Variants in SLC25A30 observed in about 807,000 individuals in gnomAD.
The protein encoded by SLC25A30 is kidney mitochondrial carrier protein 1.
SLC25A30 carries 29 observed loss-of-function variants against 42.7 expected under a neutral mutation model. The observed-to-expected ratio is 0.68, with a 90% CI of 0.51 to 0.93. SLC25A30 has a LOEUF of 0.93. Ranked by LOEUF, SLC25A30 falls within the 40% of genes least tolerant of loss-of-function variation. The pLI, the probability that SLC25A30 is intolerant of heterozygous loss-of-function variation, is 0.00. For missense variants in SLC25A30, 300 were observed against 359.7 expected (o/e 0.83, Z 1.34); for synonymous variants, 124 against 131.0 (o/e 0.95, Z 0.37).
intron 7 of SLC25A30, 36 bp downstream of exon 7, chr13:45,401,047 A>G (rs1881919345): frequency 6.5e-7 from 1 of 1,534,374 alleles, no homozygotes; most frequent in East Asian, 2.3e-5. Context: ...TTTCTTTAGA[A>G]TTTCTATAAT....
In SLC25A30 at chr13:45,395,431, A is replaced by AGT. The variant is rs576381701; in HGVS notation, c.*541_*542dup. 42 of 987,154 alleles carry AGT rather than the reference A, an allele frequency of 4.3e-5. No individual in the cohort carries two copies. Among genetic ancestry groups the AGT allele is most frequent in the Middle Eastern group, 5.2e-4 (1 of 1,938 alleles). The allele number at this position is 987,154 out of a possible 1,614,324, so 61.1% of individuals were successfully genotyped here. A position where few individuals can be genotyped will look rare whatever the true frequency, so the allele number is the denominator to read the frequency against. On this transcript the variant is annotated 3_prime_UTR_variant, in exon 10 of 10. Coordinates refer to ENST00000519676, the MANE Select transcript of SLC25A30 (RefSeq NM_001010875.4). ...CTGCCAAAATAGGAAATGATAAAGC[A>AGT]GTGTGATATTCCTAGGATCCATTTC... is the stretch of plus-strand genomic sequence containing the variant.
At chr13:45,428,522 T>C in the SLC25A30 span, among the ~76,000 whole-genome samples, 1 of 90,660 alleles carries the variant, frequency 1.1e-5, no homozygotes, top group Non-Finnish European at 2.4e-5. Context: ...TTTAACTTTT[T>C]TTTTTTTTTT....
chr13:45,431,206 C>G, the SLC25A30 span, among the ~76,000 whole-genome samples: 1 of 149,752 alleles, frequency 6.7e-6, no homozygotes, highest in Non-Finnish European at 1.5e-5. Context: ...TACCACCACA[C>G]CCGGCTAATT....
chr13:45,401,632 T>C (rs1881988556), intron 6 of SLC25A30, among the ~76,000 whole-genome samples: 1 of 148,720 alleles, frequency 6.7e-6, no homozygotes, highest in Admixed American at 6.7e-5. Flanking sequence ...AAACACCCAA[T>C]GGAACTGTAA....
At chr13:45,421,824 T>C (rs1593639811), upstream of SLC25A30, among the ~76,000 whole-genome samples, 1 of 152,314 alleles carries the variant, frequency 6.6e-6, no homozygotes, top group African/African-American at 2.4e-5. Flanking sequence ...TTAAGGCCCC[T>C]GACCACGTGG....
the SLC25A30 span, among the ~76,000 whole-genome samples, chr13:45,424,792 G>GAATATAAATATATAAAAA: frequency 2.9e-5 from 1 of 34,158 alleles, no homozygotes; most frequent in Non-Finnish European, 6.4e-5. Flanking sequence ...ATATATAAAA[G>GAATATAAATATATAAAAA]AATATAAATA....
Position 45,395,033 on chromosome 13 carries a change from G to A in SLC25A30, c.*941C>T, listed in dbSNP as rs1384136709. 5 of 985,320 alleles carry A rather than the reference G, an allele frequency of 5.1e-6. No individual in the cohort carries two copies. The East Asian group carries it at 3.4e-4, about 67-fold the overall frequency. 61.0% of individuals were successfully genotyped at this position (985,320 alleles called of 1,614,324 possible). On this transcript the variant is annotated 3_prime_UTR_variant, in exon 10 of 10. Coordinates refer to ENST00000519676, the MANE Select transcript of SLC25A30 (RefSeq NM_001010875.4). ...TTCACAATTACCATGAGAAGCCCAT[G>A]AGAACATGCCCCTCTTCTACATAGA... is the stretch of plus-strand genomic sequence containing the variant.
At chr13:45,397,708 T>G (rs1018714472) in intron 8 of SLC25A30, 1 of 181,004 alleles carries the variant, frequency 5.5e-6, no homozygotes, top group African/African-American at 2.4e-5. Flanking sequence ...AAAATAATAA[T>G]AATAATTAGT....
At position 45,411,432 on chromosome 13, in the gene SLC25A30, ACT is replaced by A. The variant is rs769271143; in HGVS notation, c.-9_-8del. The A allele has an allele frequency of 1.2e-6, 2 of 1,613,992 alleles. No homozygotes were observed. The highest frequency in any genetic ancestry group is 2.2e-5 in the South Asian group (2 of 91,082). The stretch of plus-strand genomic sequence containing the variant: ...TCCAGTTGAGGGCTGACATTCTCAC[ACT>A]GTCTCTTCTTTGATTTATAGAAACA... On this transcript the variant is annotated 5_prime_UTR_variant, in exon 2 of 10. Coordinates refer to ENST00000519676, the MANE Select transcript of SLC25A30 (RefSeq NM_001010875.4).
At position 45,393,869 on chromosome 13, in the gene SLC25A30, G is replaced by A; in HGVS notation, c.*2105C>T. The A allele has an allele frequency of 1.0e-6, 1 of 985,290 alleles. No homozygotes were observed. The highest frequency in any genetic ancestry group is 1.2e-6 in the Non-Finnish European group (1 of 829,836). The allele number at this position is 985,290 out of a possible 1,614,324, so 61.0% of individuals were successfully genotyped here. A position where few individuals can be genotyped will look rare whatever the true frequency, so the allele number is the denominator to read the frequency against. On this transcript the variant is annotated 3_prime_UTR_variant, in exon 10 of 10. Coordinates refer to ENST00000519676, the MANE Select transcript of SLC25A30 (RefSeq NM_001010875.4). ...TTTCCACCTTGGTAGGAACATGTAT[G>A]TAATTTGAATAAACTGGTAATAATA... is the stretch of plus-strand genomic sequence containing the variant.
At chr13:45,396,990 T>C (rs1237056910) in intron 9 of SLC25A30, 1 of 367,524 alleles carries the variant, frequency 2.7e-6, no homozygotes, top group Non-Finnish European at 4.9e-6. Context: ...AAATCGTAAA[T>C]ACCCTCAGCT....
At position 45,404,384 on chromosome 13, in the gene SLC25A30, A is replaced by G. The variant is rs1882299448; in HGVS notation, c.336T>C (p.Cys112=). Reference sequence around the variant, plus strand: ...AAGATATGACTCCAGACAGAATTCCACATATCACATTTATCGGTAGAGTTT... The same window carrying G: ...AAGATATGACTCCAGACAGAATTCCGCATATCACATTTATCGGTAGAGTTT... ...EDETLPINVI[C]GILSGVISST... is the part of the protein sequence containing the mutation. Residue 112 remains cysteine (C), a synonymous_variant, in exon 5 of 10, where the codon TGT becomes TGC. Transcript: ENST00000519676. The G allele has an allele frequency of 1.2e-6, 2 of 1,613,304 alleles. No individual in the cohort carries two copies. The highest frequency in any genetic ancestry group is 4.5e-5 in the East Asian group (2 of 44,866).
chr13:45,424,723 A>T, the SLC25A30 span, among the ~76,000 whole-genome samples: 1 of 65,446 alleles, frequency 1.5e-5, no homozygotes, highest in Non-Finnish European at 2.8e-5. Context: ...ATATAAATAT[A>T]TATAAATATG....
chr13:45,423,877 A>G, the SLC25A30 span, among the ~76,000 whole-genome samples: 1,279 of 74,458 alleles, frequency 0.017, 47 homozygotes, highest in African/African-American at 0.059. Context: ...TATAAAATAT[A>G]TAAAAATATA....
Position 45,402,044 on chromosome 13 carries a change from G to C in SLC25A30, c.489+231C>G, listed in dbSNP as rs558896049. 2.8e-4 allele frequency among the ~76,000 whole-genome samples: 37 copies of C among 134,440 alleles called. No individual in the cohort carries two copies. In the East Asian group the frequency reaches 7.2e-3, roughly 26 times the overall value. The allele number at this position is 134,440 out of a possible 152,430, so 88.2% of individuals were successfully genotyped here. A position where few individuals can be genotyped will look rare whatever the true frequency, so the allele number is the denominator to read the frequency against. ...CATTGCACTCCAGCCTGAGCAACAG[G>C]GCAAGACTCCATCTCAAAAAAAAAA... is the stretch of plus-strand genomic sequence containing the variant. On this transcript the variant is annotated intron_variant, in intron 6 of 9. Transcript: ENST00000519676.
intron 1 of SLC25A30, among the ~76,000 whole-genome samples, chr13:45,416,272 G>T (rs1042138622): frequency 6.6e-6 from 1 of 151,866 alleles, no homozygotes; most frequent in South Asian, 2.1e-4. Context: ...GCCAGGCATA[G>T]TGGTGGGCGC....
At position 45,395,551 on chromosome 13, in the gene SLC25A30, C is replaced by T. The variant is rs1352590686; in HGVS notation, c.*423G>A. The T allele has an allele frequency of 9.3e-7, 1 of 1,070,130 alleles. No individual in the cohort carries two copies. The highest frequency in any genetic ancestry group is 1.1e-6 in the Non-Finnish European group (1 of 879,748). The allele number at this position is 1,070,130 out of a possible 1,614,324, so 66.3% of individuals were successfully genotyped here. On this transcript the variant is annotated 3_prime_UTR_variant, in exon 10 of 10. Coordinates refer to ENST00000519676, the MANE Select transcript of SLC25A30 (RefSeq NM_001010875.4). ...GCAAAATCTCCCAGAAATTCAGAAA[C>T]CATAACACCTTCTCGGAGGCTCCAT...
At chr13:45,424,618 AAT>A in the SLC25A30 span, among the ~76,000 whole-genome samples, 4 of 66,792 alleles carry the variant, frequency 6.0e-5, no homozygotes, top group African/African-American at 2.2e-4. Context: ...AATATATATA[AAT>A]ATATATAAAT....
upstream of SLC25A30, among the ~76,000 whole-genome samples, chr13:45,421,965 A>G (rs1883901332): frequency 6.6e-6 from 1 of 152,154 alleles, no homozygotes; most frequent in Non-Finnish European, 1.5e-5. Context: ...ATTGCCATTT[A>G]GGCCTTTTAT....
Sources: allele counts gnomAD v4.1 joint callset (sites outside exome capture counted in the v4.1 genomes callset), GRCh38; gene constraint gnomAD v4.1.1; transcripts MANE v1.5; gene names NCBI Gene and HGNC (gene_info 2026-07-23, HGNC 2026-07-21).